The following CSMD1 variants were observed in gnomAD, a reference collection of about 807,000 sequenced individuals.
The protein encoded by CSMD1 is CUB and Sushi multiple domains 1.
CSMD1 carries 213 observed loss-of-function variants against 417.5 expected under a neutral mutation model. The ratio of observed to expected loss-of-function variants is 0.51; its 90% CI spans 0.46 to 0.57. The LOEUF is 0.57. CSMD1 is among the 20% of genes least tolerant of loss of function. The pLI is 0.00. For synonymous variants in CSMD1, 2,862 were observed against 1,736.8 expected, an observed-to-expected ratio of 1.65 and a Z score of -16.11; for missense variants, 6,923 against 4,529.7, an observed-to-expected ratio of 1.53 and a Z score of -15.17.
chr8:3,824,288 G>A (rs887208710), intron 5 of CSMD1, among the ~76,000 whole-genome samples: 5 of 151,620 alleles, frequency 3.3e-5, no homozygotes, highest in African/African-American at 4.9e-5. Flanking sequence ...CACTTAATTC[G>A]ATGTTAACAA....
At chr8:3,910,176 G>T (rs141248795) in intron 5 of CSMD1, among the ~76,000 whole-genome samples, 17 of 152,250 alleles carry the variant, frequency 1.1e-4, no homozygotes, top group African/African-American at 4.1e-4. Flanking sequence ...TACATCGGGG[G>T]ACAAGGAATT....
chr8:4,169,443 C>G (rs548629224), intron 3 of CSMD1, among the ~76,000 whole-genome samples: 6 of 152,232 alleles, frequency 3.9e-5, no homozygotes, highest in African/African-American at 1.4e-4. Context: ...AATCTTTCAG[C>G]TAGTTTTCTT....
At position 3,796,289 on chromosome 8, in the gene CSMD1, G is replaced by GATAATCTATCATGTATAC. The variant is rs1800118112; in HGVS notation, c.819-42248_819-42247insGTATACATGATAGATTAT. Among the ~76,000 whole-genome samples the GATAATCTATCATGTATAC allele has an allele frequency of 4.3e-5, 2 of 46,040 alleles. 1 individual carries two copies. Among genetic ancestry groups the GATAATCTATCATGTATAC allele is most frequent in the African/African-American group, 1.4e-4 (2 of 14,632 alleles). 30.2% of individuals were successfully genotyped at this position (46,040 alleles called of 152,430 possible). On this transcript the variant is annotated intron_variant, in intron 5 of 69. Coordinates refer to ENST00000635120, the MANE Select transcript of CSMD1 (RefSeq NM_033225.6). ...TATAGATATATATCTATCATGTATA[G>GATAATCTATCATGTATAC]ATATATCTATCATGTATAGATATAG...
In CSMD1 at chr8:4,867,744, T is replaced by C. The variant is rs568007571; in HGVS notation, c.85+126588A>G. Reference sequence around the variant, plus strand: ...AACAAAATGCCGTATTAGTATTCAATGCAGTTAGGTTTTTAGTAGCTTAAA... The same window carrying C: ...AACAAAATGCCGTATTAGTATTCAACGCAGTTAGGTTTTTAGTAGCTTAAA... On this transcript the variant is annotated intron_variant, in intron 1 of 69. Transcript: ENST00000635120. Among the ~76,000 whole-genome samples the C allele has an allele frequency of 1.5e-4, 23 of 152,260 alleles. No individual in the cohort carries two copies. The Middle Eastern group carries it at 0.01, about 68-fold the overall frequency.
At chr8:2,963,543 G>A (rs2128927163) in intron 59 of CSMD1, 148 bp from the exon 60 acceptor site, 1 of 774,212 alleles carries the variant, frequency 1.3e-6, no homozygotes, top group Non-Finnish European at 2.1e-6. Flanking sequence ...TGCCAAGGAA[G>A]ACAGTACATC....
chr8:3,433,965 G>T (rs899786092), intron 12 of CSMD1, among the ~76,000 whole-genome samples: 2 of 152,104 alleles, frequency 1.3e-5, no homozygotes, highest in African/African-American at 4.8e-5. Context: ...ACTCCCCTCT[G>T]GAAGTCTAAC....
chr8:4,741,114 A>C (rs1327199029), intron 1 of CSMD1, among the ~76,000 whole-genome samples: 1 of 152,298 alleles, frequency 6.6e-6, no homozygotes, highest in African/African-American at 2.4e-5. Flanking sequence ...CCATCCTAGT[A>C]TCTCCTCTTT....
intron 3 of CSMD1, among the ~76,000 whole-genome samples, chr8:4,236,006 C>G (rs939245888): frequency 1.4e-5 from 2 of 142,484 alleles, no homozygotes; most frequent in South Asian, 2.3e-4. Flanking sequence ...TCACTGTGAG[C>G]AAAGAGGTTA....
chr8:3,503,181 T>C (rs1337631263), intron 10 of CSMD1, among the ~76,000 whole-genome samples: 3 of 152,168 alleles, frequency 2.0e-5, no homozygotes, highest in African/African-American at 7.2e-5. Flanking sequence ...AAAAGTACTT[T>C]GAACACACAC....
chr8:3,114,197 T>C (rs1319129372), intron 42 of CSMD1, among the ~76,000 whole-genome samples: 1 of 152,158 alleles, frequency 6.6e-6, no homozygotes, highest in Non-Finnish European at 1.5e-5. Context: ...TGAGCAGTGA[T>C]TGCACCACTG....
At chr8:3,054,389 G>A (rs1390899958) in intron 49 of CSMD1, among the ~76,000 whole-genome samples, 3 of 152,140 alleles carry the variant, frequency 2.0e-5, no homozygotes, top group Admixed American at 6.5e-5. Flanking sequence ...AGGCTGAGGC[G>A]GGAGGATTGC....
chr8:4,752,512 T>G lies in CSMD1; in HGVS notation c.86-114954A>C, dbSNP rs1457953967. Among the ~76,000 whole-genome samples the G allele has an allele frequency of 3.3e-5, 5 of 152,250 alleles. No individual in the cohort carries two copies. The South Asian group carries it at 6.2e-4, about 19-fold the overall frequency. On this transcript the variant is annotated intron_variant, in intron 1 of 69. Coordinates refer to ENST00000635120, the MANE Select transcript of CSMD1 (RefSeq NM_033225.6). ...GGCTTTGGTTATAAGGGCTAAAACGTGAATACCTCTTTGAAACTCAAAGTT... is the reference window on the plus strand; with the variant it reads ...GGCTTTGGTTATAAGGGCTAAAACGGGAATACCTCTTTGAAACTCAAAGTT...
At chr8:4,654,934 T>C (rs1436729899) in intron 1 of CSMD1, among the ~76,000 whole-genome samples, 1 of 151,548 alleles carries the variant, frequency 6.6e-6, no homozygotes, top group Non-Finnish European at 1.5e-5. Flanking sequence ...CCTGCACAGG[T>C]ATCCCCCAAA....
chr8:3,742,020 G>A (rs1796832887), intron 6 of CSMD1, among the ~76,000 whole-genome samples: 1 of 149,854 alleles, frequency 6.7e-6, no homozygotes, highest in South Asian at 2.1e-4. Context: ...TTTCGAGGCT[G>A]GAATTCTCTC....
intron 5 of CSMD1, among the ~76,000 whole-genome samples, chr8:3,991,687 A>C (rs1523255): frequency 6.6e-6 from 1 of 151,964 alleles, no homozygotes; most frequent in African/African-American, 2.4e-5. Flanking sequence ...AAATTCTAGG[A>C]TGAGAGTGGA....
chr8:3,763,152 G>T lies in CSMD1; in HGVS notation c.819-9110C>A, dbSNP rs187135153. 2.6e-5 allele frequency among the ~76,000 whole-genome samples: 4 copies of T among 152,300 alleles called. No individual in the cohort carries two copies. The South Asian group carries it at 6.2e-4, about 24-fold the overall frequency. Reference sequence around the variant, plus strand: ...GCACATTGGCTGAATAAGCCAAAGAGGTCTCTTCACCCACACTCCCAGAGC... The same window carrying T: ...GCACATTGGCTGAATAAGCCAAAGATGTCTCTTCACCCACACTCCCAGAGC... On this transcript the variant is annotated intron_variant, in intron 5 of 69. Coordinates refer to ENST00000635120, the MANE Select transcript of CSMD1 (RefSeq NM_033225.6).
At chr8:4,281,240 C>T (rs919154597) in intron 3 of CSMD1, among the ~76,000 whole-genome samples, 1 of 152,138 alleles carries the variant, frequency 6.6e-6, no homozygotes, top group Admixed American at 6.5e-5. Context: ...TAAGTATGAT[C>T]TCAGGGAATT....
intron 5 of CSMD1, among the ~76,000 whole-genome samples, chr8:3,766,061 G>A (rs1353913568): frequency 1.3e-5 from 2 of 152,166 alleles, no homozygotes; most frequent in Admixed American, 1.3e-4. Context: ...CCAGGGAATT[G>A]CTCAGAACTC....
chr8:4,617,224 G>T (rs549172011), intron 2 of CSMD1, among the ~76,000 whole-genome samples: 5 of 152,192 alleles, frequency 3.3e-5, no homozygotes, highest in African/African-American at 1.2e-4. Flanking sequence ...TACAAATAGT[G>T]AATAAAGAAA....
Sources: allele counts gnomAD v4.1 joint callset (sites outside exome capture counted in the v4.1 genomes callset), GRCh38; gene constraint gnomAD v4.1.1; transcripts MANE v1.5; gene names NCBI Gene and HGNC (gene_info 2026-07-23, HGNC 2026-07-21).